C11orf54: variants seen among roughly 807,000 people sequenced by gnomAD.
The protein encoded by C11orf54 is beta-keto L-gulonate decarboxylase.
In C11orf54, 29 loss-of-function variants were observed where a neutral mutation model predicts 35.5. The ratio of observed to expected loss-of-function variants is 0.82; its 90% CI spans 0.61 to 1.11. C11orf54 has a LOEUF of 1.11. C11orf54 is among the 50% of genes most tolerant of loss of function. The pLI is 0.00. For synonymous variants in C11orf54, 108 were observed against 121.1 expected (o/e 0.89, Z 0.71); for missense variants, 373 against 369.2 (o/e 1.01, Z -0.08).
intron 3 of C11orf54, among the ~76,000 whole-genome samples, chr11:93,751,466 G>A (rs1487185126): frequency 1.6e-5 from 2 of 128,438 alleles, no homozygotes; most frequent in Non-Finnish European, 3.1e-5. Flanking sequence ...GTTCAGTGGC[G>A]CAATCTCAGC....
In C11orf54 at chr11:93,763,142, A is replaced by C. The variant is rs1943547636; in HGVS notation, c.*1454A>C. The C allele has an allele frequency of 6.6e-6, 1 of 152,204 alleles. No individual in the cohort carries two copies. The highest frequency in any genetic ancestry group is 2.4e-5 in the African/African-American group (1 of 41,450). 9.4% of individuals were successfully genotyped at this position (152,204 alleles called of 1,614,324 possible). A position where few individuals can be genotyped will look rare whatever the true frequency, so the allele number is the denominator to read the frequency against. The stretch of plus-strand genomic sequence containing the variant: ...AATATTAATAGTCTATCATTTAACA[A>C]ATATGTATTGAACACCTACCCTTCT... On this transcript the variant is annotated 3_prime_UTR_variant, in exon 9 of 9. Coordinates refer to ENST00000354421, the MANE Select transcript of C11orf54 (RefSeq NM_001286069.2).
intron 1 of C11orf54, among the ~76,000 whole-genome samples, chr11:93,743,393 C>G (rs1208029066): frequency 6.6e-6 from 1 of 152,218 alleles, no homozygotes; most frequent in Admixed American, 6.5e-5. Context: ...TCCTCTGACC[C>G]CTTCGTGGGT....
At chr11:93,749,256 C>T (rs1942671492) in intron 2 of C11orf54, among the ~76,000 whole-genome samples, 1 of 151,748 alleles carries the variant, frequency 6.6e-6, no homozygotes, top group South Asian at 2.1e-4. Context: ...CCAAGGTGAG[C>T]AGATCTCTTA....
chr11:93,743,252 C>T (rs991305078), intron 1 of C11orf54, among the ~76,000 whole-genome samples: 71 of 152,178 alleles, frequency 4.7e-4, no homozygotes, highest in African/African-American at 1.6e-3. Flanking sequence ...CCGTCTGCCT[C>T]GGCCTCCCAA....
At position 93,741,706 on chromosome 11, in the gene C11orf54, G is replaced by A. The variant is rs1361295855; in HGVS notation, c.-120G>A. 2 of 355,174 alleles carry A rather than the reference G, an allele frequency of 5.6e-6. No individual in the cohort carries two copies. Among genetic ancestry groups the A allele is most frequent in the African/African-American group, 4.3e-5 (2 of 46,614 alleles). 22.0% of individuals were successfully genotyped at this position (355,174 alleles called of 1,614,324 possible). A position where few individuals can be genotyped will look rare whatever the true frequency, so the allele number is the denominator to read the frequency against. On this transcript the variant is annotated 5_prime_UTR_variant, in exon 1 of 9. Coordinates refer to ENST00000354421, the MANE Select transcript of C11orf54 (RefSeq NM_001286069.2). ...CTAGGCGAAGATCCGGACTCTGGGT[G>A]TTTTGCTACCGTGACCGTTTAGGTG...
chr11:93,749,216 T>G (rs1413307882), intron 2 of C11orf54, among the ~76,000 whole-genome samples: 2 of 151,458 alleles, frequency 1.3e-5, no homozygotes, highest in East Asian at 3.9e-4. Flanking sequence ...ATGCAGTGGC[T>G]CATGCCTATA....
chr11:93,742,983 A>G (rs1457220649), intron 1 of C11orf54: 3 of 152,098 alleles, frequency 2.0e-5, no homozygotes, highest in African/African-American at 7.2e-5. Flanking sequence ...TTCACATTTC[A>G]TTTTGTATTT....
chr11:93,753,723 C>T lies in C11orf54; in HGVS notation c.196C>T (p.Pro66Ser). ...KTRIAEVGGV[P>S]YLLPLVNQKK... ...TAGAATTGCAGAAGTTGGAGGTGTG[C>T]CTTACTTATTGCCTCTTGTAAACCA... is the stretch of plus-strand genomic sequence containing the variant. The change falls in exon 4 of 9, where the codon CCT (proline) becomes TCT (serine). Residue 66 changes from proline to serine, a missense_variant. Physicochemically the swap from Pro to Ser is moderately conservative, Grantham distance 74. Transcript: ENST00000354421. 6.2e-7 allele frequency: 1 copy of T among 1,613,830 alleles called. No homozygotes were observed. The highest frequency in any genetic ancestry group is 8.5e-7 in the Non-Finnish European group (1 of 1,179,950).
intron 6 of C11orf54, 142 bp from the exon 7 acceptor site, chr11:93,757,174 G>A: frequency 1.2e-6 from 1 of 805,618 alleles, no homozygotes; most frequent in Non-Finnish European, 1.9e-6. Flanking sequence ...AAAATTCACG[G>A]GATTGCAACA....
intron 2 of C11orf54, among the ~76,000 whole-genome samples, chr11:93,747,790 TTAAC>T (rs1942565059): frequency 1.3e-5 from 2 of 152,194 alleles, no homozygotes; most frequent in Admixed American, 1.3e-4. Flanking sequence ...AAATTTTGCT[TTAAC>T]TTTTTTCACT....
At chr11:93,746,130 T>C (rs143173596) in intron 1 of C11orf54, 1 of 152,364 alleles carries the variant, frequency 6.6e-6, no homozygotes, top group Non-Finnish European at 1.5e-5. Flanking sequence ...TTATAGAGGA[T>C]ATGTTGTTGG....
rs568354254 is a variant in C11orf54, at chr11:93,758,617, T to A, written c.658-1125T>A. On this transcript the variant is annotated intron_variant, in intron 7 of 8. Transcript: ENST00000354421. The stretch of plus-strand genomic sequence containing the variant: ...AAAGTCAGGCAGAGCCCGGTCGCTG[T>A]CGCAGCCCAGCCAGGTGTGCACACG... Among the ~76,000 whole-genome samples the A allele has an allele frequency of 2.2e-4, 34 of 152,346 alleles. 2 individuals carry two copies. In the South Asian group the frequency reaches 7.0e-3, roughly 32 times the overall value.
Position 93,755,752 on chromosome 11 carries a change from C to CAA in C11orf54, c.507+382_507+383dup, listed in dbSNP as rs11452678. Among the ~76,000 whole-genome samples the CAA allele has an allele frequency of 5.2e-3, 572 of 109,442 alleles. 4 individuals carry two copies. The highest frequency in any genetic ancestry group is 0.016 in the East Asian group (63 of 3,830). The allele number at this position is 109,442 out of a possible 152,430, so 71.8% of individuals were successfully genotyped here. ...TGGGCCACTGAGTGAGACTCTGTCTCAAAAAAAAAAAAAAAAAGAAAATTA... is the reference window on the plus strand; with the variant it reads ...TGGGCCACTGAGTGAGACTCTGTCTCAAAAAAAAAAAAAAAAAAAGAAAATTA... On this transcript the variant is annotated intron_variant, in intron 6 of 8. Transcript: ENST00000354421.
At chr11:93,760,533 G>C (rs1943402914) in intron 8 of C11orf54, among the ~76,000 whole-genome samples, 1 of 151,794 alleles carries the variant, frequency 6.6e-6, no homozygotes, top group South Asian at 2.1e-4. Context: ...AATTAGTAGA[G>C]TCACAACTAG....
intron 5 of C11orf54, among the ~76,000 whole-genome samples, chr11:93,754,550 A>G (rs607826): frequency 0.94 from 143,207 of 152,160 alleles, 68,047 homozygotes; most frequent in East Asian, 1. Flanking sequence ...CATGAATACA[A>G]GACTTCAGTC....
intron 7 of C11orf54, among the ~76,000 whole-genome samples, chr11:93,759,097 G>T (rs1354249069): frequency 1.3e-5 from 2 of 152,228 alleles, no homozygotes; most frequent in African/African-American, 4.8e-5. Flanking sequence ...GGAAGTCAGT[G>T]TGGTGATTCC....
chr11:93,761,452 C>T lies in C11orf54; in HGVS notation c.775-63C>T, dbSNP rs1015670483. On this transcript the variant is annotated intron_variant, in intron 8 of 8. Transcript: ENST00000354421. ...AAACTATTGCAACGTAAAAAGTTAT[C>T]CCTCCCCCTTAAACTCTAATCAATA... The T allele has an allele frequency of 1.8e-5, 26 of 1,419,736 alleles. 1 individual carries two copies. The South Asian group carries it at 3.4e-4, about 18-fold the overall frequency. The allele number at this position is 1,419,736 out of a possible 1,614,324, so 87.9% of individuals were successfully genotyped here.
chr11:93,757,194 A>G, intron 6 of C11orf54, 122 bp from the exon 7 acceptor site: 2 of 1,053,486 alleles, frequency 1.9e-6, no homozygotes, highest in South Asian at 3.5e-5. Context: ...ATCTCAACTC[A>G]GATCTGGGGG....
intron 3 of C11orf54, among the ~76,000 whole-genome samples, chr11:93,752,122 C>G (rs1942867714): frequency 6.6e-6 from 1 of 152,038 alleles, no homozygotes; most frequent in African/African-American, 2.4e-5. Context: ...GCTGGGATTA[C>G]AGGTGTGAGC....
Sources: allele counts gnomAD v4.1 joint callset (sites outside exome capture counted in the v4.1 genomes callset), GRCh38; gene constraint gnomAD v4.1.1; transcripts MANE v1.5; gene names NCBI Gene and HGNC (gene_info 2026-07-23, HGNC 2026-07-21).